UMPS: variants seen among roughly 807,000 people sequenced by gnomAD.
UMPS encodes the protein uridine monophosphate synthetase, also known as uridine 5'-monophosphate synthase.
Under a neutral mutation model 38.9 loss-of-function variants are expected in UMPS, and 21 were observed. The ratio of observed to expected loss-of-function variants is 0.54; its 90% CI spans 0.38 to 0.78. The LOEUF (loss-of-function observed/expected upper bound fraction) is 0.78. Among genes scored for constraint, UMPS ranks in the 30% least tolerant of loss-of-function variants. UMPS has a pLI of 0.00. For synonymous variants in UMPS, 208 were observed against 219.3 expected (o/e 0.95, Z 0.45); for missense variants, 533 against 591.6 (o/e 0.90, Z 1.03).
intron 5 of UMPS, 85 bp downstream of exon 5, chr3:124,742,351 ACTTG>A (rs2063563013): frequency 1.0e-6 from 1 of 993,954 alleles, no homozygotes; most frequent in African/African-American, 1.6e-5. Context: ...ATTATTATAC[ACTTG>A]CTTAAGAAAA....
chr3:124,738,251 A>C lies in UMPS; in HGVS notation c.982+12A>C, dbSNP rs1213356812. The C allele has an allele frequency of 6.2e-7, 1 of 1,613,126 alleles. No homozygotes were observed. On this transcript the variant is annotated intron_variant, in intron 3 of 5. Coordinates refer to ENST00000232607, the MANE Select transcript of UMPS (RefSeq NM_000373.4). ...AAAGCAGTATGAAGGTAAGTGTATT[A>C]TTCAGGAATCTGCAAGAATCAGAAA...
chr3:124,741,168 A>C (rs1380121829), intron 4 of UMPS, among the ~76,000 whole-genome samples: 1 of 152,176 alleles, frequency 6.6e-6, no homozygotes, highest in African/African-American at 2.4e-5. Flanking sequence ...TCAAAATCAC[A>C]GGGGCCATGA....
At chr3:124,738,541 GA>G in intron 3 of UMPS, 1 of 373,778 alleles carries the variant, frequency 2.7e-6, no homozygotes, top group Non-Finnish European at 5.0e-6. Flanking sequence ...CTGCAACTGT[GA>G]GGTTGTTAAC....
chr3:124,736,204 A>G (rs1172389723), intron 2 of UMPS, among the ~76,000 whole-genome samples: 1 of 152,214 alleles, frequency 6.6e-6, no homozygotes, highest in Admixed American at 6.5e-5. Context: ...TGAAGGTTGC[A>G]GTGAGCTATG....
At chr3:124,741,345 C>T (rs560828766) in intron 4 of UMPS, among the ~76,000 whole-genome samples, 10 of 151,922 alleles carry the variant, frequency 6.6e-5, no homozygotes, top group South Asian at 6.3e-4. Flanking sequence ...GTCTGGTCTC[C>T]GGGAAGTATC....
chr3:124,732,077 A>G (rs1200124183), intron 1 of UMPS, among the ~76,000 whole-genome samples: 4 of 152,268 alleles, frequency 2.6e-5, no homozygotes, highest in East Asian at 1.9e-4. Context: ...AGCTGGGACT[A>G]CAAATGCCTG....
chr3:124,737,253 T>C, intron 2 of UMPS: 1 of 308,344 alleles, frequency 3.2e-6, no homozygotes, highest in Non-Finnish European at 6.1e-6. Context: ...TAAAACAGAT[T>C]TTTTTAAAGT....
chr3:124,742,355 G>A, intron 5 of UMPS, 89 bp downstream of exon 5: 2 of 966,700 alleles, frequency 2.1e-6, no homozygotes, highest in East Asian at 4.8e-5. Context: ...TTATACACTT[G>A]CTTAAGAAAA....
rs1301322645 is a variant in UMPS at position 124,744,244 on chromosome 3, A to T, written c.*160A>T. ...GGAGTTCTCATGGTCTTTAGGAAATATTGAGTAATTTGTAATCACCGCATT... is the reference window on the plus strand; with the variant it reads ...GGAGTTCTCATGGTCTTTAGGAAATTTTGAGTAATTTGTAATCACCGCATT... On this transcript the variant is annotated 3_prime_UTR_variant, in exon 6 of 6. Transcript: ENST00000232607. The T allele has an allele frequency of 1.2e-6, 1 of 850,366 alleles. No homozygotes were observed. The highest frequency in any genetic ancestry group is 1.9e-6 in the Non-Finnish European group (1 of 525,330). 52.7% of individuals were successfully genotyped at this position (850,366 alleles called of 1,614,324 possible). A position where few individuals can be genotyped will look rare whatever the true frequency, so the allele number is the denominator to read the frequency against.
At position 124,747,272 on chromosome 3, in the gene UMPS, T is replaced by C. The variant is rs373931746; in HGVS notation, c.*3188T>C. The C allele has an allele frequency of 2.2e-6, 1 of 454,310 alleles. No individual in the cohort carries two copies. The highest frequency in any genetic ancestry group is 4.4e-6 in the Non-Finnish European group (1 of 226,078). 28.1% of individuals were successfully genotyped at this position (454,310 alleles called of 1,614,324 possible). A position where few individuals can be genotyped will look rare whatever the true frequency, so the allele number is the denominator to read the frequency against. On this transcript the variant is annotated 3_prime_UTR_variant, in exon 6 of 6. Transcript: ENST00000232607. ...TGCCCGACAGCAGAGCCCACACCACTCCAGTTGCAGTGGTTGCCATCTGGG... is the reference window on the plus strand; with the variant it reads ...TGCCCGACAGCAGAGCCCACACCACCCCAGTTGCAGTGGTTGCCATCTGGG...
At position 124,743,927 on chromosome 3, in the gene UMPS, GC is replaced by G. The variant is rs763087229; in HGVS notation, c.1288del (p.Gln430AsnfsTer20). The G allele has an allele frequency of 6.2e-7, 1 of 1,613,944 alleles. No homozygotes were observed. Among genetic ancestry groups the G allele is most frequent in the African/African-American group, 1.3e-5 (1 of 74,904 alleles). ...VQLEAGGDNL[G>X]QQYNSPQEVI... is the part of the protein sequence containing the mutation. Reference sequence around the variant, plus strand: ...GTGTTTCTTGCAGGAGATAATCTTGGCCAACAGTACAATAGCCCACAAGAAG... The same window carrying G: ...GTGTTTCTTGCAGGAGATAATCTTGGCAACAGTACAATAGCCCACAAGAAG... On this transcript the variant is annotated frameshift_variant, in exon 6 of 6. Transcript: ENST00000232607. LOFTEE classifies it high-confidence loss of function.
rs1559911342 is a variant in UMPS, at chr3:124,748,576, C to T, written c.*4492C>T. ...TCTAGACAAGAGGCAGAGGGCTCCT[C>T]AGAGTCAGATCCTGGTGTGGGCTCT... On this transcript the variant is annotated 3_prime_UTR_variant, in exon 6 of 6. Coordinates refer to ENST00000232607, the MANE Select transcript of UMPS (RefSeq NM_000373.4). The T allele has an allele frequency of 2.2e-6, 1 of 454,126 alleles. No individual in the cohort carries two copies. Among genetic ancestry groups the T allele is most frequent in the Non-Finnish European group, 4.4e-6 (1 of 226,800 alleles). 28.1% of individuals were successfully genotyped at this position (454,126 alleles called of 1,614,324 possible).
chr3:124,735,620 A>T (rs1271931215), intron 2 of UMPS, among the ~76,000 whole-genome samples: 5 of 152,198 alleles, frequency 3.3e-5, no homozygotes, highest in Non-Finnish European at 5.9e-5. Flanking sequence ...AAGCAGTGTA[A>T]ACACCTCAGA....
At position 124,748,348 on chromosome 3, in the gene UMPS, T is replaced by C. The variant is rs2063618614; in HGVS notation, c.*4264T>C. 1 of 454,012 alleles carries C rather than the reference T, an allele frequency of 2.2e-6. No individual in the cohort carries two copies. Among genetic ancestry groups the C allele is most frequent in the Non-Finnish European group, 4.4e-6 (1 of 226,778 alleles). The allele number at this position is 454,012 out of a possible 1,614,324, so 28.1% of individuals were successfully genotyped here. A position where few individuals can be genotyped will look rare whatever the true frequency, so the allele number is the denominator to read the frequency against. On this transcript the variant is annotated 3_prime_UTR_variant, in exon 6 of 6. Coordinates refer to ENST00000232607, the MANE Select transcript of UMPS (RefSeq NM_000373.4). ...CTTAGATCATAGGGCCTTTCACATT[T>C]GTAATTTGGCCTTGTATGAGTTACC...
In UMPS at chr3:124,745,863, T is replaced by A. The variant is rs1354150143; in HGVS notation, c.*1779T>A. 1 of 454,124 alleles carries A rather than the reference T, an allele frequency of 2.2e-6. No homozygotes were observed. Among genetic ancestry groups the A allele is most frequent in the Non-Finnish European group, 4.4e-6 (1 of 226,788 alleles). The allele number at this position is 454,124 out of a possible 1,614,324, so 28.1% of individuals were successfully genotyped here. A position where few individuals can be genotyped will look rare whatever the true frequency, so the allele number is the denominator to read the frequency against. ...CACCTCCCTGGCTGTCACTTCCATG[T>A]GTCAGTGGTTCTCCCACTTTAGCAG... On this transcript the variant is annotated 3_prime_UTR_variant, in exon 6 of 6. Transcript: ENST00000232607.
Position 124,746,607 on chromosome 3 carries a change from C to G in UMPS, c.*2523C>G, listed in dbSNP as rs1012583426. The G allele has an allele frequency of 4.4e-6, 2 of 453,960 alleles. No homozygotes were observed. The highest frequency in any genetic ancestry group is 4.0e-5 in the African/African-American group (2 of 49,982). 28.1% of individuals were successfully genotyped at this position (453,960 alleles called of 1,614,324 possible). ...ATATTTACAGAACATGATCTCTGGG[C>G]ATTGTAACTCCTGGTCTTAGTGGGG... On this transcript the variant is annotated 3_prime_UTR_variant, in exon 6 of 6. Coordinates refer to ENST00000232607, the MANE Select transcript of UMPS (RefSeq NM_000373.4).
chr3:124,742,293 T>A (rs2150900735), intron 5 of UMPS, 27 bp downstream of exon 5: 1 of 1,550,394 alleles, frequency 6.4e-7, no homozygotes, highest in Non-Finnish European at 8.9e-7. Flanking sequence ...GTCGTGGCTC[T>A]TCCAAAAATG....
Position 124,743,915 on chromosome 3 carries a change from G to A in UMPS, c.1274G>A (p.Gly425Glu), listed in dbSNP as rs1157537300. Residue 425 changes from glycine to glutamate, a missense_variant and splice_region_variant, in exon 6 of 6, where the codon GGA becomes GAA. Gly to Glu is a moderately conservative substitution (Grantham distance 98). Transcript: ENST00000232607. ...ACAACAATTTTTGTGTTTCTTGCAG[G>A]AGATAATCTTGGCCAACAGTACAAT... ...LTPGVQLEAG[G>E]DNLGQQYNSP... The A allele has an allele frequency of 6.2e-7, 1 of 1,614,070 alleles. No individual in the cohort carries two copies. The highest frequency in any genetic ancestry group is 8.5e-7 in the Non-Finnish European group (1 of 1,179,972).
In UMPS at chr3:124,740,199, G is replaced by A. The variant is rs749629397; in HGVS notation, c.1158G>A (p.Ala386=). ...CCACTGGGGACTACACTAGAGCAGC[G>A]GTAAGTGGTGGGGGGACTGGGTGAG... The part of the protein sequence containing the change: ...SLATGDYTRA[A]VRMAEEHSEF... Residue 386 remains alanine (A), a splice_region_variant and synonymous_variant, in exon 4 of 6, where the codon GCG becomes GCA. Transcript: ENST00000232607. The A allele has an allele frequency of 1.3e-5, 21 of 1,608,966 alleles. No individual in the cohort carries two copies. Among genetic ancestry groups the A allele is most frequent in the East Asian group, 4.5e-5 (2 of 44,776 alleles).
Sources: allele counts gnomAD v4.1 joint callset (sites outside exome capture counted in the v4.1 genomes callset), GRCh38; gene constraint gnomAD v4.1.1; transcripts MANE v1.5; gene names NCBI Gene and HGNC (gene_info 2026-07-23, HGNC 2026-07-21).